The following MBTPS1 variants were observed in gnomAD, a reference collection of about 807,000 sequenced individuals.
MBTPS1 encodes membrane-bound transcription factor site-1 protease.
A neutral mutation model predicts 127.8 loss-of-function variants in MBTPS1; 94 were observed. The ratio of observed to expected loss-of-function variants is 0.74; its 90% CI spans 0.62 to 0.87. The LOEUF (loss-of-function observed/expected upper bound fraction) is 0.87, where lower values mean the gene tolerates loss of function less well. Ranked by LOEUF, MBTPS1 falls within the 40% of genes least tolerant of loss-of-function variation. The probability of loss-of-function intolerance (pLI) is 0.00; values close to 1 mark genes in which losing one functional copy is unlikely to be tolerated. For synonymous variants in MBTPS1, 632 were observed against 509.4 expected (o/e 1.24, Z -3.24); for missense variants, 1,636 against 1,353.2 (o/e 1.21, Z -3.28).
chr16:84,105,286 T>C (rs1410717595), intron 1 of MBTPS1, among the ~76,000 whole-genome samples: 1 of 152,184 alleles, frequency 6.6e-6, no homozygotes, highest in African/African-American at 2.4e-5. Context: ...TAAGATACTA[T>C]CAGGTACTAC....
At chr16:84,064,480 AG>A (rs1257671314) in intron 18 of MBTPS1, among the ~76,000 whole-genome samples, 1 of 152,154 alleles carries the variant, frequency 6.6e-6, no homozygotes, top group Non-Finnish European at 1.5e-5. Context: ...TTCAACTTAA[AG>A]TCTTTATGGG....
chr16:84,091,315 G>C (rs949599667), intron 7 of MBTPS1, among the ~76,000 whole-genome samples: 2 of 151,864 alleles, frequency 1.3e-5, no homozygotes, highest in Non-Finnish European at 2.9e-5. Context: ...GTGAAACCCC[G>C]TCTCTACTAA....
chr16:84,065,951 CA>C (rs1415153357), intron 17 of MBTPS1, among the ~76,000 whole-genome samples, 184 bp from the exon 18 acceptor site: 1 of 152,054 alleles, frequency 6.6e-6, no homozygotes, highest in Non-Finnish European at 1.5e-5. Flanking sequence ...CCTCAAAATT[CA>C]AGTAAAAAAC....
chr16:84,062,821 ACGCT>A (rs1319217090), intron 19 of MBTPS1, among the ~76,000 whole-genome samples: 2 of 152,178 alleles, frequency 1.3e-5, no homozygotes, highest in Non-Finnish European at 2.9e-5. Context: ...GAGATAACAA[ACGCT>A]CTTCACTGAT....
chr16:84,116,049 G>C (rs543578835), intron 1 of MBTPS1, among the ~76,000 whole-genome samples: 3 of 152,196 alleles, frequency 2.0e-5, no homozygotes, highest in African/African-American at 7.2e-5. Flanking sequence ...ACACAGTTCA[G>C]ACTAAAGGAT....
chr16:84,098,284 G>A (rs759418168), intron 3 of MBTPS1, among the ~76,000 whole-genome samples: 1 of 152,110 alleles, frequency 6.6e-6, no homozygotes, highest in Non-Finnish European at 1.5e-5. Context: ...AAAACAAAAC[G>A]AAACCCCAGG....
Position 84,106,501 on chromosome 16 carries a change from G to A in MBTPS1, c.-324-4394C>T, listed in dbSNP as rs1255136304. ...GTGGGAAAGCAAGTGAAAAGGCCCT[G>A]GGGCAAGGACCATTCCTGGTGTGTG... On this transcript the variant is annotated intron_variant, in intron 1 of 22. Transcript: ENST00000343411. 8.5e-5 allele frequency among the ~76,000 whole-genome samples: 13 copies of A among 152,194 alleles called. No individual in the cohort carries two copies. The East Asian group carries it at 2.5e-3, about 29-fold the overall frequency.
In MBTPS1 at chr16:84,056,030, C is replaced by G. The variant is rs1399834955; in HGVS notation, c.2937G>C (p.Glu979Asp). Residue 979 changes from glutamate (E) to aspartate (D), a missense_variant, in exon 22 of 23, where the codon GAG becomes GAC. Physicochemically the swap from Glu to Asp is conservative, Grantham distance 45. Transcript: ENST00000343411. ...RPQVRPLSPG[E>D]SGAWDIPGGI... ...CTCCAGGAATGTCCCAGGCGCCGCTCTCTCCAGGGGACAAGGGCCTCACTT... is the reference window on the plus strand; with the variant it reads ...CTCCAGGAATGTCCCAGGCGCCGCTGTCTCCAGGGGACAAGGGCCTCACTT... 6.2e-7 allele frequency: 1 copy of G among 1,613,576 alleles called. No individual in the cohort carries two copies. Among genetic ancestry groups the G allele is most frequent in the South Asian group, 1.1e-5 (1 of 91,034 alleles).
chr16:84,103,492 T>G (rs983700650), intron 1 of MBTPS1, among the ~76,000 whole-genome samples: 3 of 152,078 alleles, frequency 2.0e-5, no homozygotes, highest in African/African-American at 7.2e-5. Context: ...ACTCAGGTGA[T>G]CCAGCCACCT....
At chr16:84,073,002 G>A (rs1384600150) in intron 12 of MBTPS1, among the ~76,000 whole-genome samples, 1 of 152,096 alleles carries the variant, frequency 6.6e-6, no homozygotes, top group African/African-American at 2.4e-5. Context: ...AACCATATAT[G>A]CAATAATATT....
chr16:84,111,976 G>T (rs569895680), intron 1 of MBTPS1, among the ~76,000 whole-genome samples: 2 of 151,622 alleles, frequency 1.3e-5, no homozygotes, highest in African/African-American at 4.8e-5. Flanking sequence ...CAAGGCAGGC[G>T]GATCACTTGA....
Position 84,066,506 on chromosome 16 carries a change from G to A in MBTPS1, c.2336C>T (p.Thr779Ile), listed in dbSNP as rs753022250. ...AGCCTTACTGTCATGGTTGGCCAGG[G>A]TGAACTCCCCTTCATACAGGCCATC... ...FSDGLYEGEF[T>I]LANHDMYYAS... The change falls in exon 17 of 23, where the codon ACC becomes ATC. Residue 779 changes from threonine to isoleucine, a missense_variant. Thr to Ile is a moderately conservative substitution (Grantham distance 89). Coordinates refer to ENST00000343411, the MANE Select transcript of MBTPS1 (RefSeq NM_003791.4). 6.2e-7 allele frequency: 1 copy of A among 1,614,052 alleles called. No individual in the cohort carries two copies. The highest frequency in any genetic ancestry group is 8.5e-7 in the Non-Finnish European group (1 of 1,179,978).
chr16:84,099,646 G>A (rs957339841), intron 2 of MBTPS1, among the ~76,000 whole-genome samples: 2 of 151,990 alleles, frequency 1.3e-5, no homozygotes, highest in African/African-American at 4.8e-5. Context: ...TTAGCTGGGT[G>A]TGGTGGTGGG....
At chr16:84,055,908 C>G in intron 22 of MBTPS1, 97 bp downstream of exon 22, 1 of 1,376,722 alleles carries the variant, frequency 7.3e-7, no homozygotes. Context: ...AAGGCAGAGA[C>G]AGGGAGAGTC....
chr16:84,090,202 T>G (rs1567493637), intron 8 of MBTPS1, among the ~76,000 whole-genome samples: 1 of 152,178 alleles, frequency 6.6e-6, no homozygotes, highest in African/African-American at 2.4e-5. Context: ...AAACATTATC[T>G]AGAGAATAAA....
At chr16:84,110,101 G>C (rs900968536) in intron 1 of MBTPS1, among the ~76,000 whole-genome samples, 1 of 152,190 alleles carries the variant, frequency 6.6e-6, no homozygotes, top group African/African-American at 2.4e-5. Flanking sequence ...TATTTTAAAT[G>C]TGGTGACAGG....
chr16:84,094,952 T>C (rs1189402866), intron 4 of MBTPS1, among the ~76,000 whole-genome samples: 1 of 152,224 alleles, frequency 6.6e-6, no homozygotes, highest in African/African-American at 2.4e-5. Flanking sequence ...CAGGTGAAAC[T>C]GGCTTACATT....
intron 5 of MBTPS1, 78 bp downstream of exon 5, chr16:84,093,633 G>A: frequency 2.0e-6 from 2 of 1,021,512 alleles, no homozygotes; most frequent in Non-Finnish European, 3.1e-6. Flanking sequence ...AATAATTGCT[G>A]GACAGACTGT....
intron 1 of MBTPS1, 72 bp downstream of exon 1, chr16:84,116,663 A>C (rs1316600306): frequency 6.6e-6 from 1 of 151,886 alleles, no homozygotes; most frequent in Non-Finnish European, 1.5e-5. Flanking sequence ...CGCAACCGGC[A>C]CACCTGAGCG....
Sources: gnomAD v4.1 joint callset for allele counts (sites outside exome capture counted in the v4.1 genomes callset) on GRCh38, gnomAD v4.1.1 for gene constraint, MANE v1.5 for transcripts, NCBI Gene and HGNC (gene_info 2026-07-23, HGNC 2026-07-21) for gene names.